CNTN6: variants seen among roughly 807,000 people sequenced by gnomAD.
The protein encoded by CNTN6 is contactin-6.
A neutral mutation model predicts 122.8 loss-of-function variants in CNTN6; 137 were observed. That is an observed-to-expected ratio of 1.12 (90% CI 0.97 to 1.29). CNTN6 has a LOEUF of 1.29. CNTN6 is among the 50% of genes most tolerant of loss of function. The probability of loss-of-function intolerance (pLI) is 0.00; values close to 1 mark genes in which losing one functional copy is unlikely to be tolerated. For missense variants in CNTN6, 1,634 were observed against 1,223.4 expected (o/e 1.34, Z -5.01); for synonymous variants, 570 against 426.0 (o/e 1.34, Z -4.16).
At position 1,157,229 on chromosome 3, in the gene CNTN6, A is replaced by T. The variant is rs7615283; in HGVS notation, c.55+9166A>T. ...ATTTATTTATTTATTTAATTTATTT[A>T]TTTATTTATGTACTTATTGTCTCTG... is the stretch of plus-strand genomic sequence containing the variant. On this transcript the variant is annotated intron_variant, in intron 2 of 22. Transcript: ENST00000446702. Among the ~76,000 whole-genome samples, 850 of 143,518 alleles carry T rather than the reference A, an allele frequency of 5.9e-3. 5 individuals are homozygous for T. Among genetic ancestry groups the T allele is most frequent in the African/African-American group, 0.018 (677 of 37,038 alleles). 94.2% of individuals were successfully genotyped at this position (143,518 alleles called of 152,430 possible).
intron 17 of CNTN6, among the ~76,000 whole-genome samples, chr3:1,377,325 GT>G (rs1710021557): frequency 6.6e-6 from 1 of 152,102 alleles, no homozygotes. Flanking sequence ...TATTGAGCGT[GT>G]GTCAGTAGCA....
chr3:1,324,088 C>T (rs265791), intron 8 of CNTN6, among the ~76,000 whole-genome samples: 13,236 of 149,250 alleles, frequency 0.089, 1,836 homozygotes, highest in African/African-American at 0.22. Flanking sequence ...TTCAATTTCA[C>T]CAATAGATCT....
At chr3:1,111,362 TATTTA>T (rs1244457582) in intron 1 of CNTN6, among the ~76,000 whole-genome samples, 4 of 152,188 alleles carry the variant, frequency 2.6e-5, no homozygotes, top group African/African-American at 9.6e-5. Context: ...TAGGCTAACG[TATTTA>T]ATTCTCATAA....
At chr3:1,374,119 A>G (rs1303947489) in intron 16 of CNTN6, 46 bp downstream of exon 16, 3 of 1,549,834 alleles carry the variant, frequency 1.9e-6, no homozygotes, top group Non-Finnish European at 1.8e-6. Flanking sequence ...TTCGTATGAT[A>G]CAGTTCTTAA....
chr3:1,228,060 T>C, intron 4 of CNTN6, 67 bp downstream of exon 4: 1 of 1,455,488 alleles, frequency 6.9e-7, no homozygotes, highest in Non-Finnish European at 9.5e-7. Context: ...TACACACATT[T>C]TAAAAATCTA....
At chr3:1,209,561 A>T (rs564339010) in intron 2 of CNTN6, among the ~76,000 whole-genome samples, 1 of 152,362 alleles carries the variant, frequency 6.6e-6, no homozygotes, top group Non-Finnish European at 1.5e-5. Flanking sequence ...TTGAACATAT[A>T]CTTTTGAAAT....
At chr3:1,388,412 ACATCACCAT>A (rs1186717662) in intron 20 of CNTN6, among the ~76,000 whole-genome samples, 1 of 151,006 alleles carries the variant, frequency 6.6e-6, no homozygotes, top group African/African-American at 2.4e-5. Context: ...ACCCATCTGT[ACATCACCAT>A]CATCAAAGAC....
At chr3:1,318,645 A>C (rs1244656763) in intron 7 of CNTN6, among the ~76,000 whole-genome samples, 2 of 151,738 alleles carry the variant, frequency 1.3e-5, no homozygotes, top group East Asian at 3.9e-4. Context: ...ACAGAAGGTA[A>C]ATTTGATTCA....
chr3:1,355,558 C>T, intron 12 of CNTN6, among the ~76,000 whole-genome samples: 1 of 151,648 alleles, frequency 6.6e-6, no homozygotes, highest in Middle Eastern at 3.2e-3. Context: ...GTATAGTCAT[C>T]TGGTTGTTTC....
Position 1,143,376 on chromosome 3 carries a change from C to A in CNTN6, c.-82-4551C>A, listed in dbSNP as rs547348151. 8.9e-4 allele frequency among the ~76,000 whole-genome samples: 136 copies of A among 152,196 alleles called. 1 individual carries two copies. The highest frequency in any genetic ancestry group is 3.2e-3 in the African/African-American group (132 of 41,554). ...CAAATTATCATTTAAAAGACCTCAT[C>A]TAAAACAAAATGCTGGTGATACATT... is the stretch of plus-strand genomic sequence containing the variant. On this transcript the variant is annotated intron_variant, in intron 1 of 22. Coordinates refer to ENST00000446702, the MANE Select transcript of CNTN6 (RefSeq NM_001289080.2).
At chr3:1,387,133 T>C (rs956624663) in intron 20 of CNTN6, among the ~76,000 whole-genome samples, 6 of 151,232 alleles carry the variant, frequency 4.0e-5, no homozygotes, top group African/African-American at 1.4e-4. Flanking sequence ...AAATTATCTC[T>C]GTCCTCACTC....
chr3:1,348,372 G>A (rs1170024860), intron 11 of CNTN6, among the ~76,000 whole-genome samples: 2 of 151,964 alleles, frequency 1.3e-5, no homozygotes, highest in East Asian at 1.9e-4. Flanking sequence ...AGTACCTCAC[G>A]TGTTAAGATA....
At chr3:1,365,094 A>T (rs1435064884) in intron 12 of CNTN6, among the ~76,000 whole-genome samples, 1 of 151,958 alleles carries the variant, frequency 6.6e-6, no homozygotes, top group Non-Finnish European at 1.5e-5. Context: ...TCCTTTTATT[A>T]TTGAAAATTG....
chr3:1,113,162 C>T lies in CNTN6; in HGVS notation c.-83+20042C>T, dbSNP rs565688609. ...TAAGAGATGAGACTGGAAAGCATGG[C>T]TGTGGTAGAAGTAATATATTGCCTG... On this transcript the variant is annotated intron_variant, in intron 1 of 22. Transcript: ENST00000446702. 2.4e-4 allele frequency among the ~76,000 whole-genome samples: 37 copies of T among 152,214 alleles called. No individual in the cohort carries two copies. The South Asian group carries it at 7.5e-3, about 31-fold the overall frequency.
rs535306240 is a variant in CNTN6, at chr3:1,314,639, G to A, written c.762-7011G>A. Among the ~76,000 whole-genome samples the A allele has an allele frequency of 2.0e-5, 3 of 152,144 alleles. No individual in the cohort carries two copies. In the East Asian group the frequency reaches 5.8e-4, roughly 29 times the overall value. Reference sequence around the variant, plus strand: ...GAACTAGGTCAGATGGTTAAGAAGTGTATTCTCTGTCTTCAGATAAAATTA... The same window carrying A: ...GAACTAGGTCAGATGGTTAAGAAGTATATTCTCTGTCTTCAGATAAAATTA... On this transcript the variant is annotated intron_variant, in intron 7 of 22. Coordinates refer to ENST00000446702, the MANE Select transcript of CNTN6 (RefSeq NM_001289080.2).
chr3:1,209,907 G>A (rs1422650301), intron 2 of CNTN6, among the ~76,000 whole-genome samples: 1 of 152,130 alleles, frequency 6.6e-6, no homozygotes, highest in South Asian at 2.1e-4. Flanking sequence ...CAGTTAACTG[G>A]CAAATCACCT....
intron 1 of CNTN6, among the ~76,000 whole-genome samples, chr3:1,124,948 C>T (rs890994911): frequency 6.6e-6 from 1 of 151,884 alleles, no homozygotes; most frequent in Admixed American, 6.6e-5. Context: ...CCTATTTGCT[C>T]ACTATTGTAT....
chr3:1,304,705 A>C (rs1267223077), intron 7 of CNTN6, among the ~76,000 whole-genome samples: 1 of 152,142 alleles, frequency 6.6e-6, no homozygotes, highest in Non-Finnish European at 1.5e-5. Context: ...TATTAAAAAT[A>C]ACCCTTGGCC....
At chr3:1,243,772 G>C (rs560839603) in intron 4 of CNTN6, among the ~76,000 whole-genome samples, 7 of 152,262 alleles carry the variant, frequency 4.6e-5, no homozygotes, top group East Asian at 1.9e-4. Flanking sequence ...AAGCCAGACC[G>C]GGTGTGAGGA....
Sources: gnomAD v4.1 joint callset for allele counts (sites outside exome capture counted in the v4.1 genomes callset) on GRCh38, gnomAD v4.1.1 for gene constraint, MANE v1.5 for transcripts, NCBI Gene and HGNC (gene_info 2026-07-23, HGNC 2026-07-21) for gene names.